Variants in GPR176 observed in about 807,000 individuals in gnomAD.
GPR176 encodes the protein G-protein coupled receptor 176.
In GPR176, 26 loss-of-function variants were observed where a neutral mutation model predicts 35.4. The ratio of observed to expected loss-of-function variants is 0.74; its 90% CI spans 0.54 to 1.02. The LOEUF (loss-of-function observed/expected upper bound fraction) is 1.02, where lower values mean the gene tolerates loss of function less well. GPR176 is among the 50% of genes least tolerant of loss of function. GPR176 has a pLI of 0.00. For missense variants in GPR176, 597 were observed against 665.3 expected, an observed-to-expected ratio of 0.90 and a Z score of 1.13; for synonymous variants, 278 against 271.3, an observed-to-expected ratio of 1.02 and a Z score of -0.24.
At chr15:39,914,146 T>G (rs900126168) in intron 1 of GPR176, among the ~76,000 whole-genome samples, 1 of 152,204 alleles carries the variant, frequency 6.6e-6, no homozygotes, top group African/African-American at 2.4e-5. Context: ...AAGCTTTTTT[T>G]AAATTTTCAC....
chr15:39,807,694 TAA>T (rs1899291530), intron 1 of GPR176: 1 of 657,770 alleles, frequency 1.5e-6, no homozygotes, highest in Non-Finnish European at 2.7e-6. Flanking sequence ...TTTAAAAAAG[TAA>T]AGAGAAGCAG....
intron 1 of GPR176, among the ~76,000 whole-genome samples, chr15:39,898,209 T>A (rs1033673437): frequency 1.3e-5 from 2 of 152,232 alleles, no homozygotes; most frequent in Non-Finnish European, 2.9e-5. Context: ...AAAATGTTCC[T>A]CTTCATGTAC....
At chr15:39,917,737 T>A (rs1215111571) in intron 1 of GPR176, among the ~76,000 whole-genome samples, 1 of 151,912 alleles carries the variant, frequency 6.6e-6, no homozygotes, top group Non-Finnish European at 1.5e-5. Context: ...AGGGTCCATG[T>A]AACGTGGAAG....
At chr15:39,899,693 T>G (rs1270012278) in intron 1 of GPR176, among the ~76,000 whole-genome samples, 3 of 152,252 alleles carry the variant, frequency 2.0e-5, no homozygotes, top group Non-Finnish European at 4.4e-5. Context: ...TAGATGTAGA[T>G]TCTCCTTATT....
At chr15:39,919,747 C>G in intron 1 of GPR176, 108 bp downstream of exon 1, 1 of 841,100 alleles carries the variant, frequency 1.2e-6, no homozygotes, top group East Asian at 3.4e-5. Context: ...ACTCTCTGCA[C>G]TTTGCCAGGC....
Position 39,825,649 on chromosome 15 carries a change from T to C in GPR176, c.173-18391A>G, listed in dbSNP as rs182763493. On this transcript the variant is annotated intron_variant, in intron 1 of 2. Coordinates refer to ENST00000561100, the MANE Select transcript of GPR176 (RefSeq NM_007223.3). ...TTTTTGCCATTATAAACAAAAAAAA[T>C]TGTATATAAATATGCTTATTTTCTG... is the stretch of plus-strand genomic sequence containing the variant. Among the ~76,000 whole-genome samples the C allele has an allele frequency of 6.6e-5, 10 of 152,282 alleles. No homozygotes were observed. In the East Asian group the frequency reaches 1.4e-3, roughly 21 times the overall value.
At chr15:39,878,398 C>T (rs1241909006) in intron 1 of GPR176, among the ~76,000 whole-genome samples, 2 of 150,936 alleles carry the variant, frequency 1.3e-5, no homozygotes, top group East Asian at 4.0e-4. Flanking sequence ...GCTTATTATA[C>T]TTAGCACAAT....
At chr15:39,837,513 C>T (rs1295206700) in intron 1 of GPR176, among the ~76,000 whole-genome samples, 2 of 152,152 alleles carry the variant, frequency 1.3e-5, no homozygotes, top group Non-Finnish European at 2.9e-5. Flanking sequence ...TCCATGAAGA[C>T]CTCTTTGATT....
intron 1 of GPR176, among the ~76,000 whole-genome samples, chr15:39,847,001 A>C (rs1451669350): frequency 6.6e-6 from 1 of 152,158 alleles, no homozygotes; most frequent in Non-Finnish European, 1.5e-5. Flanking sequence ...CAACTAAAAA[A>C]CTGGAAAGAG....
At chr15:39,902,220 G>A (rs1247412732) in intron 1 of GPR176, among the ~76,000 whole-genome samples, 1 of 152,204 alleles carries the variant, frequency 6.6e-6, no homozygotes, top group East Asian at 1.9e-4. Context: ...TGCCTTGCAA[G>A]TACAATCACA....
intron 1 of GPR176, among the ~76,000 whole-genome samples, chr15:39,810,996 T>C (rs942431942): frequency 6.6e-6 from 1 of 152,182 alleles, no homozygotes; most frequent in Non-Finnish European, 1.5e-5. Flanking sequence ...GTTTAAAGAA[T>C]TGTGTGAAGG....
chr15:39,841,369 G>T (rs1595469786), intron 1 of GPR176, among the ~76,000 whole-genome samples: 1 of 124,120 alleles, frequency 8.1e-6, no homozygotes, highest in East Asian at 2.8e-4. Context: ...CAGTATCTCA[G>T]AATGTGGCTT....
At chr15:39,910,317 G>A (rs746864960) in intron 1 of GPR176, among the ~76,000 whole-genome samples, 1 of 152,236 alleles carries the variant, frequency 6.6e-6, no homozygotes, top group Non-Finnish European at 1.5e-5. Flanking sequence ...GCCGGGCATG[G>A]TGGCTCATGC....
intron 1 of GPR176, among the ~76,000 whole-genome samples, chr15:39,822,072 T>C (rs948078771): frequency 1.9e-4 from 29 of 152,226 alleles, no homozygotes; most frequent in African/African-American, 5.5e-4. Flanking sequence ...AAGAGGCTCA[T>C]GTGGTAAGGA....
chr15:39,826,417 G>T (rs116814362), intron 1 of GPR176, among the ~76,000 whole-genome samples: 1 of 152,124 alleles, frequency 6.6e-6, no homozygotes, highest in African/African-American at 2.4e-5. Context: ...GACCCCAGGG[G>T]TGCTTAAAAG....
rs1021950999 is a variant in GPR176 at position 39,801,452 on chromosome 15, G to A, written c.1228C>T (p.Leu410=). Residue 410 remains leucine, a synonymous_variant, in exon 3 of 3, where the codon CTG becomes TTG. Coordinates refer to ENST00000561100, the MANE Select transcript of GPR176 (RefSeq NM_007223.3). Reference sequence around the variant, plus strand: ...AACTGTGGCCCCTGCTCTCCCTCCAGGCAGGTGCTAAATATCTCCTTGGCC... The same window carrying A: ...AACTGTGGCCCCTGCTCTCCCTCCAAGCAGGTGCTAAATATCTCCTTGGCC... The part of the protein sequence containing the change: ...FQAKEIFSTC[L]EGEQGPQFAP... 1.2e-6 allele frequency: 2 copies of A among 1,614,044 alleles called. No individual in the cohort carries two copies. The highest frequency in any genetic ancestry group is 1.7e-6 in the Non-Finnish European group (2 of 1,179,994).
At chr15:39,826,640 C>T (rs1311150480) in intron 1 of GPR176, among the ~76,000 whole-genome samples, 1 of 152,202 alleles carries the variant, frequency 6.6e-6, no homozygotes, top group Non-Finnish European at 1.5e-5. Flanking sequence ...TTTTCAAATG[C>T]CATTTGCTTG....
intron 1 of GPR176, among the ~76,000 whole-genome samples, chr15:39,888,287 T>TTTTG (rs910304317): frequency 6.6e-6 from 1 of 152,032 alleles, no homozygotes; most frequent in Non-Finnish European, 1.5e-5. Flanking sequence ...TATTTGTTTT[T>TTTTG]TTTGTTTGTT....
rs746195881 is a variant in GPR176 at position 39,919,811 on chromosome 15, C to G, written c.172+44G>C. ...CTGCTCCCGGCTCTCCGAGCCTGTA[C>G]CCTCGGGGAGGCCCGGTCCGGAGGC... is the stretch of plus-strand genomic sequence containing the variant. On this transcript the variant is annotated intron_variant, in intron 1 of 2. Transcript: ENST00000561100. 3 of 1,357,048 alleles carry G rather than the reference C, an allele frequency of 2.2e-6. No homozygotes were observed. In the East Asian group the frequency reaches 9.2e-5, roughly 42 times the overall value. The allele number at this position is 1,357,048 out of a possible 1,614,324, so 84.1% of individuals were successfully genotyped here.
Sources: allele counts gnomAD v4.1 joint callset (sites outside exome capture counted in the v4.1 genomes callset), GRCh38; gene constraint gnomAD v4.1.1; transcripts MANE v1.5; gene names NCBI Gene and HGNC (gene_info 2026-07-23, HGNC 2026-07-21).